ZNF280D: variants seen among roughly 807,000 people sequenced by gnomAD.
ZNF280D encodes the protein suppressor of hairy wing homolog 4.
Under a neutral mutation model 94.7 loss-of-function variants are expected in ZNF280D, and 39 were observed. That is an observed-to-expected ratio of 0.41 (90% CI 0.32 to 0.54). ZNF280D has a LOEUF of 0.54. Ranked by LOEUF, ZNF280D falls within the 20% of genes least tolerant of loss-of-function variation. The pLI is 0.22. For synonymous variants in ZNF280D, 398 were observed against 377.6 expected, an observed-to-expected ratio of 1.05 and a Z score of -0.63; for missense variants, 1,090 against 1,149.3, an observed-to-expected ratio of 0.95 and a Z score of 0.75.
intron 4 of ZNF280D, among the ~76,000 whole-genome samples, chr15:56,701,865 C>G (rs111949942): frequency 0.024 from 3,684 of 152,152 alleles, 62 homozygotes; most frequent in Non-Finnish European, 0.038. Context: ...TACCACTACA[C>G]CAGAAGTCAA....
intron 1 of ZNF280D, among the ~76,000 whole-genome samples, chr15:56,727,973 T>C (rs1436642933): frequency 6.6e-6 from 1 of 152,134 alleles, no homozygotes; most frequent in African/African-American, 2.4e-5. Flanking sequence ...GCTGTTCTGC[T>C]CAAAGAAAAT....
At chr15:56,684,587 G>A (rs1174852245) in intron 9 of ZNF280D, among the ~76,000 whole-genome samples, 1 of 152,076 alleles carries the variant, frequency 6.6e-6, no homozygotes, top group African/African-American at 2.4e-5. Context: ...ATACAGTGGT[G>A]AGTAGACATT....
intron 6 of ZNF280D, chr15:56,699,840 C>T (rs1162369473): frequency 2.6e-5 from 4 of 153,150 alleles, no homozygotes; most frequent in Non-Finnish European, 4.4e-5. Flanking sequence ...AAACTAATAA[C>T]ATTTTAATAC....
chr15:56,635,185 T>C lies in ZNF280D; in HGVS notation c.2315+10A>G. 6.6e-7 allele frequency: 1 copy of C among 1,525,356 alleles called. No homozygotes were observed. The allele number at this position is 1,525,356 out of a possible 1,614,324, so 94.5% of individuals were successfully genotyped here. A position where few individuals can be genotyped will look rare whatever the true frequency, so the allele number is the denominator to read the frequency against. On this transcript the variant is annotated intron_variant, in intron 21 of 21. Transcript: ENST00000267807. ...GAATTTTATGAAATTCAGTTTTTCC[T>C]TATATTTACCTTTCAGAATTTGATG...
At chr15:56,669,942 ATATATATTATATATATATAT>A (rs2054667308) in intron 13 of ZNF280D, among the ~76,000 whole-genome samples, 1 of 4,920 alleles carries the variant, frequency 2.0e-4, no homozygotes, top group African/African-American at 7.3e-4. Flanking sequence ...TATATTATAT[ATATATATTATATATATATAT>A]TATATATATA....
chr15:56,727,952 A>G (rs2058707606), intron 1 of ZNF280D, among the ~76,000 whole-genome samples: 1 of 152,232 alleles, frequency 6.6e-6, no homozygotes, highest in Non-Finnish European at 1.5e-5. Context: ...TACATTAAGA[A>G]TATGGACCAT....
At chr15:56,660,643 A>G (rs1217116566) in intron 16 of ZNF280D, among the ~76,000 whole-genome samples, 1 of 152,136 alleles carries the variant, frequency 6.6e-6, no homozygotes, top group Admixed American at 6.6e-5. Context: ...GTTTTTTATT[A>G]CAATATAGTA....
chr15:56,724,492 G>C (rs531413909), intron 1 of ZNF280D, among the ~76,000 whole-genome samples: 1 of 152,188 alleles, frequency 6.6e-6, no homozygotes, highest in East Asian at 1.9e-4. Flanking sequence ...AGCCCAAATA[G>C]AAGAGAACAT....
At chr15:56,701,387 A>T in intron 4 of ZNF280D, 149 bp from the exon 5 acceptor site, 1 of 549,926 alleles carries the variant, frequency 1.8e-6, no homozygotes, top group Non-Finnish European at 3.1e-6. Context: ...CATTTTAAAC[A>T]CATACATCTT....
At chr15:56,667,235 G>C (rs908154939) in intron 14 of ZNF280D, among the ~76,000 whole-genome samples, 11 of 152,078 alleles carry the variant, frequency 7.2e-5, no homozygotes, top group Non-Finnish European at 8.8e-5. Flanking sequence ...TGAATAATTA[G>C]GAGTTAATAC....
At chr15:56,676,006 A>G (rs1324061471) in intron 13 of ZNF280D, among the ~76,000 whole-genome samples, 3 of 151,530 alleles carry the variant, frequency 2.0e-5, no homozygotes, top group East Asian at 1.9e-4. Flanking sequence ...GCCAATAAGC[A>G]TAATATCAGA....
At position 56,733,483 on chromosome 15, in the gene ZNF280D, T is replaced by C; in HGVS notation, c.-111A>G. On this transcript the variant is annotated 5_prime_UTR_variant, in exon 1 of 22. Transcript: ENST00000267807. ...CGTGAGCGGAGCGGATCGGCCTGAC[T>C]GGAGCCCTGAGGAGGAGGAGAAAGA... 1 of 1,127,668 alleles carries C rather than the reference T, an allele frequency of 8.9e-7. No individual in the cohort carries two copies. The highest frequency in any genetic ancestry group is 1.1e-6 in the Non-Finnish European group (1 of 911,414). 69.9% of individuals were successfully genotyped at this position (1,127,668 alleles called of 1,614,324 possible).
chr15:56,688,334 T>C (rs994005327), intron 9 of ZNF280D, among the ~76,000 whole-genome samples: 24 of 151,760 alleles, frequency 1.6e-4, no homozygotes, highest in Non-Finnish European at 3.4e-4. Context: ...CTACTAAAAA[T>C]ACAAAAATTA....
chr15:56,634,825 A>T (rs2052270583), intron 21 of ZNF280D, among the ~76,000 whole-genome samples: 1 of 152,082 alleles, frequency 6.6e-6, no homozygotes, highest in South Asian at 2.1e-4. Flanking sequence ...AAAATACTTT[A>T]AAAAATCTTA....
chr15:56,680,034 TTA>T (rs1236576153), intron 10 of ZNF280D, among the ~76,000 whole-genome samples: 2 of 152,282 alleles, frequency 1.3e-5, no homozygotes, highest in East Asian at 3.9e-4. Context: ...TTCCCAATTA[TTA>T]TATGAGTTCC....
intron 7 of ZNF280D, among the ~76,000 whole-genome samples, chr15:56,691,412 C>T (rs2056414535): frequency 6.6e-6 from 1 of 152,130 alleles, no homozygotes; most frequent in Non-Finnish European, 1.5e-5. Flanking sequence ...CCAATGAATG[C>T]TGGAATTCTG....
chr15:56,676,051 T>C (rs564240512), intron 13 of ZNF280D, among the ~76,000 whole-genome samples: 3 of 152,156 alleles, frequency 2.0e-5, no homozygotes, highest in African/African-American at 7.2e-5. Context: ...AATATTGAGT[T>C]CCAAAATTAT....
intron 6 of ZNF280D, among the ~76,000 whole-genome samples, chr15:56,694,863 TGATAA>T (rs1295153955): frequency 1.3e-5 from 2 of 152,184 alleles, no homozygotes; most frequent in African/African-American, 2.4e-5. Context: ...TACCCAGTTG[TGATAA>T]GATGTTAAAA....
intron 1 of ZNF280D, among the ~76,000 whole-genome samples, chr15:56,719,335 AAAAAAAC>A (rs1313020131): frequency 6.6e-6 from 1 of 150,448 alleles, no homozygotes; most frequent in East Asian, 1.9e-4. Flanking sequence ...TTGTTTAAAA[AAAAAAAC>A]AAAAAACAAA....
Sources: gnomAD v4.1 joint callset for allele counts (sites outside exome capture counted in the v4.1 genomes callset) on GRCh38, gnomAD v4.1.1 for gene constraint, MANE v1.5 for transcripts, NCBI Gene and HGNC (gene_info 2026-07-23, HGNC 2026-07-21) for gene names.